The following UNC5D variants were observed in gnomAD, a reference collection of about 807,000 sequenced individuals.
UNC5D encodes the protein netrin receptor UNC5D.
A neutral mutation model predicts 105.4 loss-of-function variants in UNC5D; 39 were observed. The observed-to-expected ratio is 0.37, with a 90% CI of 0.29 to 0.48. The LOEUF (loss-of-function observed/expected upper bound fraction) is 0.48. Among genes scored for constraint, UNC5D ranks in the 20% least tolerant of loss-of-function variants. The pLI is 0.98. For synonymous variants in UNC5D, 452 were observed against 450.4 expected, an observed-to-expected ratio of 1.00 and a Z score of -0.04; for missense variants, 991 against 1,202.4, an observed-to-expected ratio of 0.82 and a Z score of 2.60.
At chr8:35,409,595 T>C (rs1024035282) in intron 1 of UNC5D, among the ~76,000 whole-genome samples, 3 of 137,430 alleles carry the variant, frequency 2.2e-5, no homozygotes, top group Non-Finnish European at 4.8e-5. Context: ...ATTGGGACTT[T>C]TGCTTTCTTT....
chr8:35,492,978 T>C (rs111845754), intron 1 of UNC5D, among the ~76,000 whole-genome samples: 3,418 of 152,176 alleles, frequency 0.022, 134 homozygotes, highest in African/African-American at 0.078. Context: ...ATCTTGGTTA[T>C]CCCATGAAAT....
intron 1 of UNC5D, among the ~76,000 whole-genome samples, chr8:35,400,564 A>C (rs1419866785): frequency 1.3e-5 from 2 of 152,168 alleles, no homozygotes; most frequent in Admixed American, 6.5e-5. Context: ...AATAAAACAA[A>C]ACCCTGCACT....
At chr8:35,290,759 A>G (rs1806997024) in intron 1 of UNC5D, among the ~76,000 whole-genome samples, 1 of 151,502 alleles carries the variant, frequency 6.6e-6, no homozygotes, top group Non-Finnish European at 1.5e-5. Flanking sequence ...TACCAGCCTG[A>G]CCAACGTGGA....
intron 4 of UNC5D, among the ~76,000 whole-genome samples, chr8:35,666,089 G>T (rs1445918500): frequency 1.3e-5 from 2 of 151,660 alleles, no homozygotes; most frequent in Non-Finnish European, 2.9e-5. Flanking sequence ...CCCTCCAAGT[G>T]CCCTGAGATA....
At chr8:35,421,695 A>C (rs1175279278) in intron 1 of UNC5D, among the ~76,000 whole-genome samples, 1 of 152,182 alleles carries the variant, frequency 6.6e-6, no homozygotes, top group Non-Finnish European at 1.5e-5. Context: ...TCATATATTT[A>C]TGTACATATA....
At chr8:35,593,966 C>T (rs1819336404) in intron 3 of UNC5D, among the ~76,000 whole-genome samples, 1 of 152,136 alleles carries the variant, frequency 6.6e-6, no homozygotes, top group Non-Finnish European at 1.5e-5. Flanking sequence ...ATTTTTCATT[C>T]TGGGTTTATT....
intron 1 of UNC5D, among the ~76,000 whole-genome samples, chr8:35,314,398 C>G (rs991032714): frequency 1.3e-5 from 2 of 152,064 alleles, no homozygotes; most frequent in African/African-American, 4.8e-5. Context: ...TGCCTACTTC[C>G]ATTCAATTTT....
intron 4 of UNC5D, among the ~76,000 whole-genome samples, chr8:35,647,121 C>G (rs1047603960): frequency 2.0e-5 from 3 of 152,108 alleles, no homozygotes; most frequent in Non-Finnish European, 4.4e-5. Context: ...ATAAACAAAA[C>G]AAAACAAATG....
chr8:35,603,635 C>T (rs1820052462), intron 4 of UNC5D, among the ~76,000 whole-genome samples: 2 of 152,100 alleles, frequency 1.3e-5, no homozygotes, highest in African/African-American at 4.8e-5. Context: ...CTAATGTTGA[C>T]AGTGGGGTGT....
chr8:35,564,124 G>A (rs143548454), intron 2 of UNC5D, among the ~76,000 whole-genome samples: 95 of 151,704 alleles, frequency 6.3e-4, no homozygotes, highest in African/African-American at 2.1e-3. Context: ...CTCAAGTAAT[G>A]AGTTTGGAAG....
At chr8:35,256,972 T>TTG (rs1554496141) in intron 1 of UNC5D, among the ~76,000 whole-genome samples, 33 of 150,274 alleles carry the variant, frequency 2.2e-4, no homozygotes, top group African/African-American at 8.2e-4. Flanking sequence ...TTTTTTTTTT[T>TTG]TTTGTTTTTT....
chr8:35,470,728 C>T (rs1455503942), intron 1 of UNC5D, among the ~76,000 whole-genome samples: 2 of 151,106 alleles, frequency 1.3e-5, no homozygotes, highest in Non-Finnish European at 2.9e-5. Context: ...GAGATCACAC[C>T]ACTGCACTCC....
At chr8:35,464,901 G>A (rs1362863152) in intron 1 of UNC5D, among the ~76,000 whole-genome samples, 3 of 152,124 alleles carry the variant, frequency 2.0e-5, no homozygotes, top group Admixed American at 2.0e-4. Context: ...AACATTCAGA[G>A]CCTTCTCTGT....
chr8:35,317,107 T>C (rs762556349), intron 1 of UNC5D, among the ~76,000 whole-genome samples: 3 of 152,174 alleles, frequency 2.0e-5, no homozygotes, highest in Non-Finnish European at 4.4e-5. Flanking sequence ...GTTAAATGAT[T>C]TTTCCAAGGT....
chr8:35,519,690 T>C (rs1225912780), intron 1 of UNC5D, among the ~76,000 whole-genome samples: 1 of 152,098 alleles, frequency 6.6e-6, no homozygotes, highest in Non-Finnish European at 1.5e-5. Context: ...TTTCACATAA[T>C]AGTAGAATAC....
intron 1 of UNC5D, among the ~76,000 whole-genome samples, chr8:35,439,834 G>T (rs1301857461): frequency 6.6e-6 from 1 of 152,032 alleles, no homozygotes. Context: ...GAAAAGCACA[G>T]TTCCTGTGCT....
intron 11 of UNC5D, among the ~76,000 whole-genome samples, chr8:35,740,113 G>T (rs2131604194): frequency 6.6e-6 from 1 of 152,336 alleles, no homozygotes; most frequent in Admixed American, 6.5e-5. Flanking sequence ...TGGATCAGGA[G>T]ACAGCCCCAG....
intron 4 of UNC5D, among the ~76,000 whole-genome samples, chr8:35,603,867 C>T (rs1586228252): frequency 6.6e-6 from 1 of 151,916 alleles, no homozygotes; most frequent in South Asian, 2.1e-4. Context: ...GATTGCAACC[C>T]CTGCCTTTTT....
intron 1 of UNC5D, among the ~76,000 whole-genome samples, chr8:35,507,207 C>T (rs1167014172): frequency 2.0e-5 from 3 of 150,916 alleles, no homozygotes; most frequent in East Asian, 1.9e-4. Flanking sequence ...AGGCGCCCGC[C>T]ACTACGCCCG....
Sources: allele counts gnomAD v4.1 joint callset (sites outside exome capture counted in the v4.1 genomes callset), GRCh38; gene constraint gnomAD v4.1.1; transcripts MANE v1.5; gene names NCBI Gene and HGNC (gene_info 2026-07-23, HGNC 2026-07-21).